The following RIC8B variants were observed in gnomAD, a reference collection of about 807,000 sequenced individuals.
RIC8B encodes the protein RIC8 guanine nucleotide exchange factor B.
Under a neutral mutation model 57.5 loss-of-function variants are expected in RIC8B, and 16 were observed. That is an observed-to-expected ratio of 0.28 (90% CI 0.19 to 0.42). RIC8B has a LOEUF of 0.42. Ranked by LOEUF, RIC8B falls within the 10% of genes least tolerant of loss-of-function variation. The pLI, the probability that RIC8B is intolerant of heterozygous loss-of-function variation, is 1.00. For synonymous variants in RIC8B, 216 were observed against 250.8 expected, an observed-to-expected ratio of 0.86 and a Z score of 1.31; for missense variants, 481 against 677.0, an observed-to-expected ratio of 0.71 and a Z score of 3.21.
chr12:106,853,620 C>T (rs1409048967), intron 7 of RIC8B, among the ~76,000 whole-genome samples: 1 of 151,686 alleles, frequency 6.6e-6, no homozygotes, highest in Non-Finnish European at 1.5e-5. Flanking sequence ...AGGCACATGC[C>T]AACATGCCTG....
chr12:106,787,426 T>C (rs574185249), intron 2 of RIC8B, among the ~76,000 whole-genome samples: 1 of 152,298 alleles, frequency 6.6e-6, no homozygotes, highest in Non-Finnish European at 1.5e-5. Context: ...ACATATAGAA[T>C]ATAGGCATTT....
At chr12:106,787,272 AT>A (rs756277212) in intron 2 of RIC8B, among the ~76,000 whole-genome samples, 1 of 152,170 alleles carries the variant, frequency 6.6e-6, no homozygotes, top group Non-Finnish European at 1.5e-5. Context: ...CAACAAACAA[AT>A]TCATTTCTGT....
chr12:106,879,734 C>T lies in RIC8B; in HGVS notation c.1572-6170C>T, dbSNP rs1950839350. The stretch of plus-strand genomic sequence containing the variant: ...GCCCTTGTAGATTATGGTTCCTTAT[C>T]GTTTAGTAAGATCAAATTTCTAAAT... On this transcript the variant is annotated intron_variant, in intron 9 of 9. Coordinates refer to ENST00000392837, the MANE Select transcript of RIC8B (RefSeq NM_001330145.2). This position sits in a 1 kb window ranked among gnomAD's most constrained non-coding sequence, Gnocchi z 4.9. 4 of 985,172 alleles carry T rather than the reference C, an allele frequency of 4.1e-6. No homozygotes were observed. The highest frequency in any genetic ancestry group is 1.1e-4 in the East Asian group (1 of 8,814). 61.0% of individuals were successfully genotyped at this position (985,172 alleles called of 1,614,324 possible). A position where few individuals can be genotyped will look rare whatever the true frequency, so the allele number is the denominator to read the frequency against.
At chr12:106,777,590 A>G (rs1654313312) in intron 1 of RIC8B, among the ~76,000 whole-genome samples, 1 of 152,190 alleles carries the variant, frequency 6.6e-6, no homozygotes, top group African/African-American at 2.4e-5. Context: ...TATACCTCTA[A>G]TAAAGCTAGT....
chr12:106,776,705 C>T (rs904160037), intron 1 of RIC8B, among the ~76,000 whole-genome samples: 10 of 152,122 alleles, frequency 6.6e-5, no homozygotes, highest in African/African-American at 2.2e-4. Context: ...TCTCCAGCTC[C>T]CCTTTTGTAT....
At chr12:106,850,649 C>T (rs539920980) in intron 6 of RIC8B, among the ~76,000 whole-genome samples, 17 of 152,184 alleles carry the variant, frequency 1.1e-4, no homozygotes, top group African/African-American at 2.6e-4. Context: ...ATCTCCTTTG[C>T]GGGATTACTG....
At chr12:106,832,922 ACTC>A (rs937605976) in intron 4 of RIC8B, among the ~76,000 whole-genome samples, 47 of 151,358 alleles carry the variant, frequency 3.1e-4, no homozygotes, top group African/African-American at 1.1e-3. Flanking sequence ...TCAGCATTGA[ACTC>A]CTCCTCTAGT....
At position 106,777,547 on chromosome 12, in the gene RIC8B, G is replaced by C. The variant is rs142437770; in HGVS notation, c.84+2718G>C. ...AGAGAGAGAGACCGGTTCGTTATTT[G>C]GGAGAGTAGTGGAGAGGTTCTTTAT... On this transcript the variant is annotated intron_variant, in intron 1 of 9. Coordinates refer to ENST00000392837, the MANE Select transcript of RIC8B (RefSeq NM_001330145.2). Among the ~76,000 whole-genome samples the C allele has an allele frequency of 3.9e-5, 6 of 152,296 alleles. No homozygotes were observed. In the East Asian group the frequency reaches 1.2e-3, roughly 29 times the overall value.
Position 106,774,784 on chromosome 12 carries a change from C to A in RIC8B, c.39C>A (p.Gly13=). The A allele has an allele frequency of 6.4e-7, 1 of 1,553,626 alleles. No homozygotes were observed. The highest frequency in any genetic ancestry group is 1.2e-5 in the South Asian group (1 of 84,176). The part of the protein sequence containing the change: ...EERALYIVRA[G]EAGAIERVLR... ...GCGCCCTCTACATCGTCCGGGCCGG[C>A]GAAGCAGGGGCTATCGAGCGGGTCC... The change falls in exon 1 of 10, where the codon GGC becomes GGA. Residue 13 remains glycine (G), a synonymous_variant. Transcript: ENST00000392837.
chr12:106,851,675 C>A, intron 7 of RIC8B, 81 bp downstream of exon 7: 1 of 1,183,182 alleles, frequency 8.5e-7, no homozygotes, highest in Non-Finnish European at 1.2e-6. Flanking sequence ...TAGTACTGGT[C>A]GTCTCATTCC....
At chr12:106,784,245 G>T (rs188690766) in intron 2 of RIC8B, among the ~76,000 whole-genome samples, 1 of 152,110 alleles carries the variant, frequency 6.6e-6, no homozygotes, top group South Asian at 2.1e-4. Context: ...CTTTGTCCTC[G>T]CAGGACTATT....
At chr12:106,883,043 T>C (rs1951024124) in intron 9 of RIC8B, among the ~76,000 whole-genome samples, 1 of 152,324 alleles carries the variant, frequency 6.6e-6, no homozygotes, top group East Asian at 1.9e-4. Flanking sequence ...GAGAAAGTGC[T>C]AGATACTTCA....
intron 2 of RIC8B, among the ~76,000 whole-genome samples, chr12:106,795,272 A>G (rs2044426914): frequency 6.6e-6 from 1 of 152,230 alleles, no homozygotes; most frequent in African/African-American, 2.4e-5. Flanking sequence ...TGAAGTAGCT[A>G]CGTTGTCTGG....
chr12:106,857,938 A>G (rs1449975858), intron 7 of RIC8B, among the ~76,000 whole-genome samples: 1 of 152,192 alleles, frequency 6.6e-6, no homozygotes, highest in Non-Finnish European at 1.5e-5. Context: ...CTTTGAAAGC[A>G]AACTATGTCT....
Position 106,879,320 on chromosome 12 carries a change from G to A in RIC8B, c.1572-6584G>A, listed in dbSNP as rs571379240. ...AGTAAAGTGTTTTATACACATACACGTCTGACCTATTCTATATTGTGCGAT... is the reference window on the plus strand; with the variant it reads ...AGTAAAGTGTTTTATACACATACACATCTGACCTATTCTATATTGTGCGAT... On this transcript the variant is annotated intron_variant, in intron 9 of 9. Coordinates refer to ENST00000392837, the MANE Select transcript of RIC8B (RefSeq NM_001330145.2). This position sits in a 1 kb window ranked among gnomAD's most constrained non-coding sequence, Gnocchi z 4.9. 63 of 985,240 alleles carry A rather than the reference G, an allele frequency of 6.4e-5. No homozygotes were observed. In the South Asian group the frequency reaches 1.9e-3, roughly 30 times the overall value. 61.0% of individuals were successfully genotyped at this position (985,240 alleles called of 1,614,324 possible).
chr12:106,834,983 CAAAAAAAAAAAAAAAA>C (rs71072695), intron 4 of RIC8B, among the ~76,000 whole-genome samples: 1 of 31,280 alleles, frequency 3.2e-5, no homozygotes, highest in Non-Finnish European at 6.4e-5. Flanking sequence ...GACTCTGTCT[CAAAAAAAAAAAAAAAA>C]AAAAAAAAAA....
intron 4 of RIC8B, 89 bp downstream of exon 4, chr12:106,825,909 A>G (rs2046077456): frequency 2.3e-6 from 2 of 854,490 alleles, no homozygotes; most frequent in African/African-American, 3.4e-5. Context: ...TATAAGCACA[A>G]GAAAGTGAAA....
intron 7 of RIC8B, among the ~76,000 whole-genome samples, chr12:106,852,581 T>C (rs776322622): frequency 2.6e-5 from 4 of 152,224 alleles, no homozygotes; most frequent in Non-Finnish European, 5.9e-5. Context: ...ATGTATAATC[T>C]CATTTAATTC....
At chr12:106,824,245 T>C (rs2045990184) in intron 3 of RIC8B, among the ~76,000 whole-genome samples, 1 of 152,222 alleles carries the variant, frequency 6.6e-6, no homozygotes, top group Admixed American at 6.5e-5. Flanking sequence ...TCTTTAATCC[T>C]TTGTAACCCT....
Sources: allele counts gnomAD v4.1 joint callset (sites outside exome capture counted in the v4.1 genomes callset), GRCh38; gene constraint gnomAD v4.1.1; non-coding constraint Gnocchi (gnomAD v3.1); transcripts MANE v1.5; gene names NCBI Gene and HGNC (gene_info 2026-07-23, HGNC 2026-07-21).